CORO2B: variants seen among roughly 807,000 people sequenced by gnomAD.
The protein encoded by CORO2B is coronin 2B, also known as coronin-2B.
Under a neutral mutation model 58.8 loss-of-function variants are expected in CORO2B, and 26 were observed. The observed-to-expected ratio is 0.44, with a 90% CI of 0.32 to 0.61. The LOEUF (loss-of-function observed/expected upper bound fraction) is 0.61, where lower values mean the gene tolerates loss of function less well. Among genes scored for constraint, CORO2B ranks in the 20% least tolerant of loss-of-function variants. The probability of loss-of-function intolerance (pLI) is 0.04; values close to 1 mark genes in which losing one functional copy is unlikely to be tolerated. For synonymous variants in CORO2B, 242 were observed against 253.8 expected (o/e 0.95, Z 0.44); for missense variants, 460 against 645.1 (o/e 0.71, Z 3.11).
rs545673894 is a variant in CORO2B at position 68,719,868 on chromosome 15, C to A, written c.1311+316C>A. ...CCAGGAGTTATAAATTCCTGACTAA[C>A]AGGGGCAAGCCCGGCCTCGTGTATC... On this transcript the variant is annotated intron_variant, in intron 11 of 11. Coordinates refer to ENST00000261861, the MANE Select transcript of CORO2B (RefSeq NM_006091.5). Among the ~76,000 whole-genome samples, 6 of 152,344 alleles carry A rather than the reference C, an allele frequency of 3.9e-5. No individual in the cohort carries two copies. In the East Asian group the frequency reaches 9.6e-4, roughly 24 times the overall value.
chr15:68,635,637 C>T (rs1318197694), intron 1 of CORO2B, among the ~76,000 whole-genome samples: 2 of 152,192 alleles, frequency 1.3e-5, no homozygotes, highest in African/African-American at 4.8e-5. Flanking sequence ...TCTGCTCTGA[C>T]AGGATACGGT....
At chr15:68,701,964 C>T (rs999462387) in intron 3 of CORO2B, among the ~76,000 whole-genome samples, 6 of 151,406 alleles carry the variant, frequency 4.0e-5, no homozygotes, top group Admixed American at 1.3e-4. Context: ...TTGCCCAGGC[C>T]GGGCACGGTA....
At chr15:68,659,671 T>G (rs914272295) in intron 2 of CORO2B, among the ~76,000 whole-genome samples, 1 of 152,232 alleles carries the variant, frequency 6.6e-6, no homozygotes, top group Non-Finnish European at 1.5e-5. Context: ...TGGTGGCTCA[T>G]TCCTGTAATC....
chr15:68,609,544 G>T (rs1900198742), intron 1 of CORO2B, among the ~76,000 whole-genome samples: 2 of 152,146 alleles, frequency 1.3e-5, no homozygotes, highest in South Asian at 4.1e-4. Flanking sequence ...TCCAGGGCAG[G>T]GGCCTTCCCT....
At chr15:68,641,395 C>G in intron 1 of CORO2B, 1 of 338,338 alleles carries the variant, frequency 3.0e-6, no homozygotes, top group Non-Finnish European at 4.2e-6. Flanking sequence ...CAGATGCCTC[C>G]TTCCTGTGTC....
chr15:68,519,311 A>G, the CORO2B span, among the ~76,000 whole-genome samples: 1 of 152,212 alleles, frequency 6.6e-6, no homozygotes, highest in Non-Finnish European at 1.5e-5. Context: ...AGAAAAATGA[A>G]AAAGAGGAAA....
At chr15:68,613,560 C>A (rs1900287027) in intron 1 of CORO2B, among the ~76,000 whole-genome samples, 1 of 152,190 alleles carries the variant, frequency 6.6e-6, no homozygotes, top group Admixed American at 6.5e-5. Flanking sequence ...ATTGCAAGCA[C>A]TTCCTTGGCT....
At position 68,605,711 on chromosome 15, in the gene CORO2B, G is replaced by GTTTT. The variant is rs35340917; in HGVS notation, c.15+26460_15+26463dup. 5.4e-4 allele frequency among the ~76,000 whole-genome samples: 54 copies of GTTTT among 99,144 alleles called. 4 individuals carry two copies. Among genetic ancestry groups the GTTTT allele is most frequent in the African/African-American group, 1.3e-3 (29 of 21,486 alleles). 65.0% of individuals were successfully genotyped at this position (99,144 alleles called of 152,430 possible). A position where few individuals can be genotyped will look rare whatever the true frequency, so the allele number is the denominator to read the frequency against. ...GGGAGGAGTCACAGAGGGCTCTTGG[G>GTTTT]TTTTTTTTTTTTTTTTTTTTTTTTT... On this transcript the variant is annotated intron_variant, in intron 1 of 11. Coordinates refer to ENST00000261861, the MANE Select transcript of CORO2B (RefSeq NM_006091.5).
chr15:68,518,866 A>G, the CORO2B span, among the ~76,000 whole-genome samples: 164 of 152,308 alleles, frequency 1.1e-3, 2 homozygotes, highest in South Asian at 0.033. Context: ...CTCAGGCCCA[A>G]GGACTCCAGA....
the CORO2B span, among the ~76,000 whole-genome samples, chr15:68,531,491 T>G: frequency 7.3e-6 from 1 of 136,392 alleles, no homozygotes. Flanking sequence ...AGGGAAACTG[T>G]ATCTCAAAAA....
the CORO2B span, among the ~76,000 whole-genome samples, chr15:68,523,895 G>A: frequency 6.6e-6 from 1 of 152,046 alleles, no homozygotes; most frequent in Non-Finnish European, 1.5e-5. Context: ...TGGTTGCCTT[G>A]GGTGTCCTAC....
chr15:68,634,852 G>A (rs1464619090), intron 1 of CORO2B, among the ~76,000 whole-genome samples: 2 of 152,228 alleles, frequency 1.3e-5, no homozygotes, highest in Non-Finnish European at 2.9e-5. Flanking sequence ...TGAGTCAAGG[G>A]TGGGGCCTGG....
At chr15:68,688,636 C>T (rs1892283740) in intron 2 of CORO2B, among the ~76,000 whole-genome samples, 1 of 152,054 alleles carries the variant, frequency 6.6e-6, no homozygotes, top group African/African-American at 2.4e-5. Flanking sequence ...ATGCTCATGC[C>T]ACTAAATATT....
chr15:68,630,384 A>T (rs555489453), intron 1 of CORO2B, among the ~76,000 whole-genome samples: 1 of 151,954 alleles, frequency 6.6e-6, no homozygotes, highest in South Asian at 2.1e-4. Flanking sequence ...ACCCCAAGGA[A>T]CGGTGCTGAG....
chr15:68,703,062 A>G (rs149442963), intron 3 of CORO2B, among the ~76,000 whole-genome samples: 3,997 of 149,674 alleles, frequency 0.027, 171 homozygotes, highest in African/African-American at 0.091. Flanking sequence ...CCTGGACTCA[A>G]GTGATCCACC....
At chr15:68,549,337 T>G in the CORO2B span, among the ~76,000 whole-genome samples, 2 of 151,836 alleles carry the variant, frequency 1.3e-5, no homozygotes, top group African/African-American at 4.8e-5. Flanking sequence ...TTCCTGGAGT[T>G]TACACTGGGG....
chr15:68,551,783 A>T, the CORO2B span, among the ~76,000 whole-genome samples: 6 of 152,268 alleles, frequency 3.9e-5, no homozygotes, highest in African/African-American at 1.4e-4. Flanking sequence ...TTAAATGTTT[A>T]TAATGACAAA....
chr15:68,705,174 A>G (rs10518781), intron 3 of CORO2B, among the ~76,000 whole-genome samples: 95,297 of 152,026 alleles, frequency 0.63, 31,893 homozygotes, highest in East Asian at 0.87. Flanking sequence ...AGATTAACTA[A>G]TACTATCTAA....
rs528653125 is a variant in CORO2B, at chr15:68,597,697, C to G, written c.15+18420C>G. ...AACAAAATCCTCCATTGCTATGGAG[C>G]TCAGAGGCTTCACCAGGGTTACTGT... is the stretch of plus-strand genomic sequence containing the variant. On this transcript the variant is annotated intron_variant, in intron 1 of 11. Coordinates refer to ENST00000261861, the MANE Select transcript of CORO2B (RefSeq NM_006091.5). Among the ~76,000 whole-genome samples, 54 of 152,182 alleles carry G rather than the reference C, an allele frequency of 3.5e-4. 1 individual carries two copies. Among genetic ancestry groups the G allele is most frequent in the Admixed American group, 2.9e-3 (45 of 15,294 alleles).
Sources: gnomAD v4.1 joint callset for allele counts (sites outside exome capture counted in the v4.1 genomes callset) on GRCh38, gnomAD v4.1.1 for gene constraint, MANE v1.5 for transcripts, NCBI Gene and HGNC (gene_info 2026-07-23, HGNC 2026-07-21) for gene names.